SAMD4A: variants seen among roughly 807,000 people sequenced by gnomAD.
The protein encoded by SAMD4A is sterile alpha motif domain containing 4A, also known as protein Smaug homolog 1.
SAMD4A carries 33 observed loss-of-function variants against 81.3 expected under a neutral mutation model. The ratio of observed to expected loss-of-function variants is 0.41; its 90% CI spans 0.31 to 0.54. The LOEUF (loss-of-function observed/expected upper bound fraction) is 0.54, where lower values mean the gene tolerates loss of function less well. Among genes scored for constraint, SAMD4A ranks in the 20% least tolerant of loss-of-function variants. The probability of loss-of-function intolerance (pLI) is 0.37; values close to 1 mark genes in which losing one functional copy is unlikely to be tolerated. For synonymous variants in SAMD4A, 389 were observed against 382.1 expected, an observed-to-expected ratio of 1.02 and a Z score of -0.21; for missense variants, 854 against 951.1, an observed-to-expected ratio of 0.90 and a Z score of 1.34.
intron 2 of SAMD4A, among the ~76,000 whole-genome samples, chr14:54,695,969 A>AAAAG (rs2036567291): frequency 1.3e-5 from 2 of 149,562 alleles, no homozygotes; most frequent in Non-Finnish European, 3.0e-5. Context: ...AAAAAAAAAA[A>AAAAG]AAAAGAAAAA....
chr14:54,694,940 T>A lies in SAMD4A; in HGVS notation c.197-7122T>A, dbSNP rs577997706. 3 of 985,076 alleles carry A rather than the reference T, an allele frequency of 3.0e-6. No homozygotes were observed. The Admixed American group carries it at 1.8e-4, about 60-fold the overall frequency. The allele number at this position is 985,076 out of a possible 1,614,324, so 61.0% of individuals were successfully genotyped here. On this transcript the variant is annotated intron_variant, in intron 2 of 12. Coordinates refer to ENST00000554335, the MANE Select transcript of SAMD4A (RefSeq NM_015589.6). Reference sequence around the variant, plus strand: ...TACTCTGGAAAGGTAAAGGGCTCATTGGAAGTATCTGCTAGGGCAAGAGGT... The same window carrying A: ...TACTCTGGAAAGGTAAAGGGCTCATAGGAAGTATCTGCTAGGGCAAGAGGT...
intron 2 of SAMD4A, among the ~76,000 whole-genome samples, chr14:54,598,697 A>T (rs1457861613): frequency 6.6e-6 from 1 of 152,238 alleles, no homozygotes; most frequent in Non-Finnish European, 1.5e-5. Context: ...CACAGCAAAA[A>T]ACAAAAGTCA....
chr14:54,678,683 G>C (rs1194279561), intron 2 of SAMD4A, among the ~76,000 whole-genome samples: 1 of 151,842 alleles, frequency 6.6e-6, no homozygotes, highest in Non-Finnish European at 1.5e-5. Flanking sequence ...TGAGTAGCTG[G>C]GACTACAGGC....
intron 2 of SAMD4A, among the ~76,000 whole-genome samples, chr14:54,620,465 A>G (rs2034589431): frequency 6.6e-6 from 1 of 152,170 alleles, no homozygotes; most frequent in Admixed American, 6.5e-5. Flanking sequence ...TAGTTGTGGC[A>G]TTCCTTCCCG....
chr14:54,689,228 C>T lies in SAMD4A; in HGVS notation c.197-12834C>T, dbSNP rs188883433. Among the ~76,000 whole-genome samples the T allele has an allele frequency of 1.3e-3, 195 of 152,242 alleles. 4 individuals are homozygous for T. The South Asian group carries it at 0.018, about 14-fold the overall frequency. On this transcript the variant is annotated intron_variant, in intron 2 of 12. Coordinates refer to ENST00000554335, the MANE Select transcript of SAMD4A (RefSeq NM_015589.6). ...GATTACAGGCATGAGCCACCGCGCCCGGCCCAGAGGTTGTATTTCTAACAA... is the reference window on the plus strand; with the variant it reads ...GATTACAGGCATGAGCCACCGCGCCTGGCCCAGAGGTTGTATTTCTAACAA...
intron 12 of SAMD4A, among the ~76,000 whole-genome samples, chr14:54,786,617 GTCTTTCACTGCTT>G (rs1453392952): frequency 6.6e-6 from 1 of 152,182 alleles, no homozygotes; most frequent in African/African-American, 2.4e-5. Flanking sequence ...GACTGACTCA[GTCTTTCACTGCTT>G]TTGACCAAAG....
chr14:54,618,768 C>G (rs1407643250), intron 2 of SAMD4A, among the ~76,000 whole-genome samples: 2 of 152,162 alleles, frequency 1.3e-5, no homozygotes, highest in Non-Finnish European at 2.9e-5. Flanking sequence ...TCTTTTCCCC[C>G]TTTTCCTGTC....
intron 3 of SAMD4A, among the ~76,000 whole-genome samples, chr14:54,709,562 ACAT>A (rs2036939262): frequency 6.6e-6 from 1 of 152,120 alleles, no homozygotes; most frequent in Non-Finnish European, 1.5e-5. Context: ...CTTTTGGATG[ACAT>A]CAGAGCACTT....
intron 11 of SAMD4A, among the ~76,000 whole-genome samples, chr14:54,783,931 G>A (rs1444562765): frequency 6.6e-6 from 1 of 152,200 alleles, no homozygotes; most frequent in Non-Finnish European, 1.5e-5. Context: ...CAGGGGAGGG[G>A]GACAGTAGAA....
chr14:54,698,779 CG>C (rs2036636816), intron 2 of SAMD4A, among the ~76,000 whole-genome samples: 1 of 152,192 alleles, frequency 6.6e-6, no homozygotes. Flanking sequence ...ATAAAGGGAC[CG>C]GGGCCAGCGG....
intron 2 of SAMD4A, among the ~76,000 whole-genome samples, chr14:54,580,707 C>G (rs867140008): frequency 6.6e-5 from 10 of 151,816 alleles, no homozygotes; most frequent in Non-Finnish European, 1.0e-4. Context: ...CTTGCTGGTG[C>G]CCTGCTGATA....
At chr14:54,584,517 C>T (rs2033562982) in intron 2 of SAMD4A, among the ~76,000 whole-genome samples, 1 of 152,152 alleles carries the variant, frequency 6.6e-6, no homozygotes, top group Non-Finnish European at 1.5e-5. Context: ...AAGACTCTGT[C>T]AAGTTAACCA....
chr14:54,601,419 G>A (rs556968637), intron 2 of SAMD4A, among the ~76,000 whole-genome samples: 2 of 152,258 alleles, frequency 1.3e-5, no homozygotes, highest in East Asian at 3.9e-4. Flanking sequence ...TATTGTCACA[G>A]TCACATTATT....
intron 2 of SAMD4A, chr14:54,688,354 CA>C (rs746593006): frequency 5.7e-5 from 56 of 985,442 alleles, no homozygotes; most frequent in Non-Finnish European, 6.6e-5. Flanking sequence ...AGACTCATCT[CA>C]ACTCTCCTCC....
In SAMD4A at chr14:54,733,680, G is replaced by A. The variant is rs111703571; in HGVS notation, c.716-3344G>A. On this transcript the variant is annotated intron_variant, in intron 3 of 12. Coordinates refer to ENST00000554335, the MANE Select transcript of SAMD4A (RefSeq NM_015589.6). Reference sequence around the variant, plus strand: ...TAGGACTTCTGGGTAGCTGAGGTCTGAATGAACCGTTAGCCATTGTCTGCT... The same window carrying A: ...TAGGACTTCTGGGTAGCTGAGGTCTAAATGAACCGTTAGCCATTGTCTGCT... Among the ~76,000 whole-genome samples the A allele has an allele frequency of 1.7e-3, 252 of 152,266 alleles. 2 individuals are homozygous for A. Among genetic ancestry groups the A allele is most frequent in the African/African-American group, 5.7e-3 (236 of 41,554 alleles).
chr14:54,766,079 A>C (rs1328715754), intron 8 of SAMD4A, among the ~76,000 whole-genome samples: 3 of 152,162 alleles, frequency 2.0e-5, no homozygotes, highest in Non-Finnish European at 4.4e-5. Context: ...ACTGAAAAAA[A>C]AATGGTTTTT....
chr14:54,685,740 C>G, intron 2 of SAMD4A: 1 of 456,676 alleles, frequency 2.2e-6, no homozygotes, highest in South Asian at 1.5e-5. Flanking sequence ...CACTTACAAC[C>G]AGAACAGAGA....
chr14:54,623,096 G>A (rs2140307768), intron 2 of SAMD4A, among the ~76,000 whole-genome samples: 1 of 152,276 alleles, frequency 6.6e-6, no homozygotes, highest in South Asian at 2.1e-4. Context: ...GCCCTGCCGG[G>A]GCTTGTGTGG....
chr14:54,592,340 G>A (rs925378638), intron 2 of SAMD4A, among the ~76,000 whole-genome samples: 5 of 152,064 alleles, frequency 3.3e-5, no homozygotes, highest in African/African-American at 1.2e-4. Flanking sequence ...CTTTGCATCT[G>A]GCAAGCTCAC....
Sources: allele counts gnomAD v4.1 joint callset (sites outside exome capture counted in the v4.1 genomes callset), GRCh38; gene constraint gnomAD v4.1.1; transcripts MANE v1.5; gene names NCBI Gene and HGNC (gene_info 2026-07-23, HGNC 2026-07-21).